The following AGL variants were observed in gnomAD, a reference collection of about 807,000 sequenced individuals.
The protein encoded by AGL is glycogen debranching enzyme.
AGL carries 128 observed loss-of-function variants against 199.3 expected under a neutral mutation model. The ratio of observed to expected loss-of-function variants is 0.64; its 90% CI spans 0.56 to 0.74. The LOEUF (loss-of-function observed/expected upper bound fraction) is 0.74. AGL is among the 30% of genes least tolerant of loss of function. AGL has a pLI of 0.00. For missense variants in AGL, 1,809 were observed against 1,820.8 expected (o/e 0.99, Z 0.12); for synonymous variants, 584 against 594.7 (o/e 0.98, Z 0.26).
At chr1:99,864,988 T>G (rs1306209079) in intron 5 of AGL, among the ~76,000 whole-genome samples, 1 of 152,210 alleles carries the variant, frequency 6.6e-6, no homozygotes, top group Non-Finnish European at 1.5e-5. Flanking sequence ...CAGCAATTCA[T>G]AAGTTTTAAT....
chr1:99,877,933 C>A, intron 12 of AGL, 105 bp downstream of exon 12: 1 of 1,083,346 alleles, frequency 9.2e-7, no homozygotes, highest in Non-Finnish European at 1.4e-6. Flanking sequence ...GCTAGTTGGA[C>A]ACAAGCATTG....
intron 11 of AGL, 45 bp downstream of exon 11, chr1:99,876,642 A>G: frequency 6.2e-7 from 1 of 1,606,332 alleles, no homozygotes; most frequent in Non-Finnish European, 8.5e-7. Context: ...AGAATAGTTC[A>G]TGGCAAGGTC....
chr1:99,891,425 A>G (rs1652892424), intron 22 of AGL, 69 bp downstream of exon 22: 1 of 1,563,430 alleles, frequency 6.4e-7, no homozygotes, highest in Non-Finnish European at 8.8e-7. Flanking sequence ...TGTTATATAT[A>G]ATATTTACAT....
chr1:99,864,667 A>T lies in AGL; in HGVS notation c.664+78A>T, dbSNP rs1395677039. On this transcript the variant is annotated intron_variant, in intron 5 of 33. Transcript: ENST00000361915. ...ACACATATACACACAAATAAGAGAA[A>T]GGAAGAAAGAAAGAGAAAGGAAAGG... is the stretch of plus-strand genomic sequence containing the variant. 3.0e-6 allele frequency: 4 copies of T among 1,323,304 alleles called. No individual in the cohort carries two copies. In the African/African-American group the frequency reaches 5.8e-5, roughly 19 times the overall value. The allele number at this position is 1,323,304 out of a possible 1,614,324, so 82.0% of individuals were successfully genotyped here.
chr1:99,875,103 G>T, intron 8 of AGL, 51 bp from the exon 9 acceptor site: 1 of 1,495,752 alleles, frequency 6.7e-7, no homozygotes, highest in South Asian at 1.2e-5. Flanking sequence ...TTTAAATGTA[G>T]AATCTGTAAA....
At position 99,864,471 on chromosome 1, in the gene AGL, T is replaced by A; in HGVS notation, c.546T>A (p.Asn182Lys). ...CCCTTGCCAATCAGTTAGAATTAAA[T>A]CCTGACTTTTCAAGACCTAATAGAA... The part of the protein sequence containing the change: ...CYSLANQLEL[N>K]PDFSRPNRKY... Residue 182 changes from asparagine to lysine, a missense_variant, in exon 5 of 34, where the codon AAT (asparagine) becomes AAA (lysine). Transcript: ENST00000361915. 1.2e-6 allele frequency: 2 copies of A among 1,613,854 alleles called. No homozygotes were observed. The highest frequency in any genetic ancestry group is 1.7e-6 in the Non-Finnish European group (2 of 1,179,830).
At chr1:99,887,468 A>G (rs145148057) in intron 20 of AGL, among the ~76,000 whole-genome samples, 1 of 152,280 alleles carries the variant, frequency 6.6e-6, no homozygotes, top group Admixed American at 6.5e-5. Flanking sequence ...GAAGGTAGAG[A>G]GCATGTGATT....
At chr1:99,851,312 T>C (rs1486748925) in intron 2 of AGL, among the ~76,000 whole-genome samples, 188 bp downstream of exon 2, 1 of 152,224 alleles carries the variant, frequency 6.6e-6, no homozygotes, top group Non-Finnish European at 1.5e-5. Context: ...TTAAAAATAT[T>C]TTATATCCCT....
intron 5 of AGL, among the ~76,000 whole-genome samples, chr1:99,865,050 C>T (rs955833591): frequency 6.6e-6 from 1 of 152,172 alleles, no homozygotes; most frequent in Non-Finnish European, 1.5e-5. Context: ...CCTGCTCTAT[C>T]CCACCTGGAA....
At chr1:99,890,785 C>A (rs1214922153) in intron 21 of AGL, among the ~76,000 whole-genome samples, 10 of 152,098 alleles carry the variant, frequency 6.6e-5, no homozygotes, top group Admixed American at 3.9e-4. Flanking sequence ...GAAACCAGTT[C>A]TATGACTTCC....
rs147477500 is a variant in AGL, at chr1:99,872,262, G to A, written c.958+1393G>A. Among the ~76,000 whole-genome samples, 321 of 152,200 alleles carry A rather than the reference G, an allele frequency of 2.1e-3. 3 individuals carry two copies. The highest frequency in any genetic ancestry group is 7.6e-3 in the African/African-American group (317 of 41,542). ...AGGATTCAGTGGTAAACAGAACAAA[G>A]TCCTTTCCCTGGATAAACTTCCAGT... On this transcript the variant is annotated intron_variant, in intron 7 of 33. Transcript: ENST00000361915.
intron 22 of AGL, 54 bp downstream of exon 22, chr1:99,891,410 T>G: frequency 6.3e-7 from 1 of 1,577,964 alleles, no homozygotes; most frequent in South Asian, 1.1e-5. Context: ...TAATAAATAT[T>G]ACCATGTTAT....
chr1:99,879,278 A>G (rs1411033393), intron 12 of AGL, among the ~76,000 whole-genome samples: 1 of 152,162 alleles, frequency 6.6e-6, no homozygotes, highest in Non-Finnish European at 1.5e-5. Flanking sequence ...ATTAAGTCTG[A>G]TTAAAGTTTT....
intron 2 of AGL, among the ~76,000 whole-genome samples, chr1:99,851,788 A>G (rs1300859199): frequency 2.0e-5 from 3 of 152,200 alleles, no homozygotes; most frequent in African/African-American, 4.8e-5. Flanking sequence ...AAGAAGTGTA[A>G]TATATGAAAA....
chr1:99,916,273 G>A (rs1655103597), intron 31 of AGL, 137 bp from the exon 32 acceptor site: 1 of 690,444 alleles, frequency 1.4e-6, no homozygotes, highest in Non-Finnish European at 2.5e-6. Flanking sequence ...GATGGATGAT[G>A]TACTAATGCC....
intron 33 of AGL, among the ~76,000 whole-genome samples, chr1:99,920,512 C>G (rs1211032875): frequency 6.6e-6 from 1 of 152,214 alleles, no homozygotes; most frequent in Non-Finnish European, 1.5e-5. Flanking sequence ...GCCCAGGTAT[C>G]CAACTTCAGT....
At chr1:99,881,220 C>T in intron 15 of AGL, 43 bp downstream of exon 15, 1 of 1,612,598 alleles carries the variant, frequency 6.2e-7, no homozygotes, top group African/African-American at 1.3e-5. Context: ...TGGCCAACAA[C>T]TTTGGGCATT....
chr1:99,891,106 A>C, intron 21 of AGL, 114 bp from the exon 22 acceptor site: 1 of 1,296,490 alleles, frequency 7.7e-7, no homozygotes, highest in Non-Finnish European at 1.1e-6. Context: ...GTGTGCCTCT[A>C]ATACGTATTC....
At position 99,861,666 on chromosome 1, in the gene AGL, A is replaced by G. The variant is rs1422529746; in HGVS notation, c.246A>G (p.Lys82=). Residue 82 remains lysine (K), a synonymous_variant, in exon 3 of 34, where the codon AAA becomes AAG. Coordinates refer to ENST00000361915, the MANE Select transcript of AGL (RefSeq NM_000642.3). ...AAGATGATTCTGATAAATACTGTAA[A>G]CTTAATCTGCAACAATCTGGTTCAT... ...EREDDSDKYC[K]LNLQQSGSFQ... is the part of the protein sequence containing the mutation. The G allele has an allele frequency of 6.2e-7, 1 of 1,613,694 alleles. No individual in the cohort carries two copies. Among genetic ancestry groups the G allele is most frequent in the South Asian group, 1.1e-5 (1 of 91,072 alleles).
Sources: gnomAD v4.1 joint callset for allele counts (sites outside exome capture counted in the v4.1 genomes callset) on GRCh38, gnomAD v4.1.1 for gene constraint, MANE v1.5 for transcripts, NCBI Gene and HGNC (gene_info 2026-07-23, HGNC 2026-07-21) for gene names.